The following OCA2 variants were observed in gnomAD, a reference collection of about 807,000 sequenced individuals.
The protein encoded by OCA2 is OCA2 melanosomal transmembrane protein, also known as P protein.
OCA2 carries 77 observed loss-of-function variants against 100.2 expected under a neutral mutation model. The ratio of observed to expected loss-of-function variants is 0.77; its 90% CI spans 0.64 to 0.93. The LOEUF (loss-of-function observed/expected upper bound fraction) is 0.93, where lower values mean the gene tolerates loss of function less well. Among genes scored for constraint, OCA2 ranks in the 40% least tolerant of loss-of-function variants. OCA2 has a pLI of 0.00. For synonymous variants in OCA2, 432 were observed against 439.2 expected (o/e 0.98, Z 0.21); for missense variants, 1,062 against 1,089.1 (o/e 0.98, Z 0.35).
At chr15:28,062,350 G>A (rs1308694524) in intron 2 of OCA2, among the ~76,000 whole-genome samples, 1 of 152,124 alleles carries the variant, frequency 6.6e-6, no homozygotes, top group Non-Finnish European at 1.5e-5. Context: ...TTGCTTACAG[G>A]CCATTTGAAT....
At position 27,844,982 on chromosome 15, in the gene OCA2, C is replaced by A. The variant is rs1450049066; in HGVS notation, c.2409G>T (p.Gly803=). 6.2e-7 allele frequency: 1 copy of A among 1,613,490 alleles called. No homozygotes were observed. Among genetic ancestry groups the A allele is most frequent in the Admixed American group, 1.7e-5 (1 of 60,016 alleles). Residue 803 remains glycine (G), a synonymous_variant, in exon 23 of 24, where the codon GGG becomes GGT. Transcript: ENST00000354638. The stretch of plus-strand genomic sequence containing the variant: ...ACCTGAAAAATTCCATGAAGGAGAA[C>A]CCATATCCATGCTGTTCTGCAATCC... ...CAGIAEQHGY[G]FSFMEFFRLG... is the part of the protein sequence containing the mutation.
At chr15:27,921,227 C>A (rs1900756) in intron 19 of OCA2, among the ~76,000 whole-genome samples, 1 of 151,558 alleles carries the variant, frequency 6.6e-6, no homozygotes, top group Non-Finnish European at 1.5e-5. Context: ...TGACTCAATG[C>A]GCATATAGGG....
chr15:27,821,099 A>G (rs1452507281), intron 23 of OCA2, among the ~76,000 whole-genome samples: 1 of 152,088 alleles, frequency 6.6e-6, no homozygotes, highest in Non-Finnish European at 1.5e-5. Flanking sequence ...TATTCTGTAA[A>G]TTATTATTTT....
intron 23 of OCA2, among the ~76,000 whole-genome samples, chr15:27,820,252 G>A (rs185200437): frequency 7.9e-5 from 12 of 152,284 alleles, no homozygotes; most frequent in Admixed American, 3.3e-4. Context: ...CTCCCTACCC[G>A]TTAAGTGTTG....
rs143976804 is a variant in OCA2 at position 27,886,161 on chromosome 15, C to T, written c.2080-14239G>A. 3.6e-3 allele frequency among the ~76,000 whole-genome samples: 555 copies of T among 152,246 alleles called. 4 individuals are homozygous for T. Among genetic ancestry groups the T allele is most frequent in the African/African-American group, 0.013 (520 of 41,548 alleles). ...AGGCCACCGTGTCTGGGGTCCAGCC[C>T]CCTGAGGCAGGAAATTATATGTAAA... On this transcript the variant is annotated intron_variant, in intron 19 of 23. Transcript: ENST00000354638.
chr15:27,746,118 C>A, the OCA2 span, among the ~76,000 whole-genome samples: 1 of 152,188 alleles, frequency 6.6e-6, no homozygotes, highest in Non-Finnish European at 1.5e-5. Flanking sequence ...TCAGAATAAA[C>A]CTCTTTAAAC....
At chr15:27,993,882 T>C (rs1263639172) in intron 9 of OCA2, among the ~76,000 whole-genome samples, 1 of 152,134 alleles carries the variant, frequency 6.6e-6, no homozygotes, top group East Asian at 1.9e-4. Context: ...ATGATCCGCC[T>C]CTAGGATGTG....
rs528671089 is a variant in OCA2 at position 27,951,458 on chromosome 15, T to C, written c.1951+326A>G. Among the ~76,000 whole-genome samples the C allele has an allele frequency of 2.6e-5, 4 of 152,264 alleles. No homozygotes were observed. The South Asian group carries it at 6.2e-4, about 24-fold the overall frequency. On this transcript the variant is annotated intron_variant, in intron 18 of 23. Coordinates refer to ENST00000354638, the MANE Select transcript of OCA2 (RefSeq NM_000275.3). The stretch of plus-strand genomic sequence containing the variant: ...GTGGCTCCATCTCTTCTGGGAACCA[T>C]GTAAAGATGTGGTTATTAACTACAA...
chr15:27,788,562 T>C (rs1468838332), intron 23 of OCA2, among the ~76,000 whole-genome samples: 1 of 152,114 alleles, frequency 6.6e-6, no homozygotes, highest in Non-Finnish European at 1.5e-5. Flanking sequence ...TTCCTTCCTT[T>C]TATTTTCAGG....
chr15:27,998,155 A>C (rs1374002453), intron 9 of OCA2, among the ~76,000 whole-genome samples: 13 of 136,974 alleles, frequency 9.5e-5, no homozygotes, highest in Non-Finnish European at 2.0e-4. Context: ...CTTCATGTCT[A>C]AAATACCAAA....
intron 19 of OCA2, among the ~76,000 whole-genome samples, chr15:27,890,271 A>G (rs74726126): frequency 0.016 from 2,372 of 152,332 alleles, 56 homozygotes; most frequent in African/African-American, 0.05. Context: ...GAATTAGAGC[A>G]AGGTTAGAAA....
At chr15:27,896,957 G>C (rs908454727) in intron 19 of OCA2, among the ~76,000 whole-genome samples, 10 of 152,124 alleles carry the variant, frequency 6.6e-5, no homozygotes, top group Non-Finnish European at 1.5e-4. Flanking sequence ...CTGGGGGGCC[G>C]AGGTGGGCGG....
chr15:27,770,858 CTTCCTTCCTTCCCT>C, intron 23 of OCA2, among the ~76,000 whole-genome samples: 1 of 98,768 alleles, frequency 1.0e-5, no homozygotes, highest in African/African-American at 6.2e-5. Context: ...TCCTTCCTTT[CTTCCTTCCTTCCCT>C]CCTTCCTTTG....
At chr15:27,740,567 A>G in the OCA2 span, among the ~76,000 whole-genome samples, 1 of 152,318 alleles carries the variant, frequency 6.6e-6, no homozygotes, top group South Asian at 2.1e-4. Context: ...CAGTGCAAGT[A>G]TGTATGGGCA....
chr15:27,965,971 G>C (rs1175016827), intron 15 of OCA2, among the ~76,000 whole-genome samples: 1 of 151,914 alleles, frequency 6.6e-6, no homozygotes, highest in Admixed American at 6.6e-5. Context: ...TTGTTTGTTT[G>C]TTTGTTTGTT....
intron 14 of OCA2, among the ~76,000 whole-genome samples, chr15:27,980,222 G>A (rs2041113676): frequency 6.6e-6 from 1 of 151,902 alleles, no homozygotes; most frequent in Admixed American, 6.5e-5. Flanking sequence ...CCGCCTCATG[G>A]GTTCACGCCA....
intron 2 of OCA2, among the ~76,000 whole-genome samples, chr15:28,042,999 G>A (rs901659247): frequency 1.3e-5 from 2 of 152,088 alleles, no homozygotes; most frequent in Non-Finnish European, 2.9e-5. Flanking sequence ...ATTTTTAAGA[G>A]AATGTCTACA....
chr15:28,086,717 C>T (rs557063457), intron 1 of OCA2, among the ~76,000 whole-genome samples: 1 of 152,128 alleles, frequency 6.6e-6, no homozygotes, highest in Non-Finnish European at 1.5e-5. Context: ...GAAATAAACA[C>T]ATTTGAAACA....
rs1337827985 is a variant in OCA2 at position 27,831,303 on chromosome 15, A to AAAAAAAAAAAAAAAC, written c.2432+13655_2432+13656insGTTTTTTTTTTTTTT. On this transcript the variant is annotated intron_variant, in intron 23 of 23. Transcript: ENST00000354638. ...CCGTCTCAAAAAAAAAAAAAAAAAA[A>AAAAAAAAAAAAAAAC]AAATCGGTCTGAGTCCAGTGAGTCC... 5.3e-5 allele frequency among the ~76,000 whole-genome samples: 8 copies of AAAAAAAAAAAAAAAC among 150,956 alleles called. 1 individual carries two copies. The highest frequency in any genetic ancestry group is 8.9e-5 in the Non-Finnish European group (6 of 67,604).
Sources: gnomAD v4.1 joint callset for allele counts (sites outside exome capture counted in the v4.1 genomes callset) on GRCh38, gnomAD v4.1.1 for gene constraint, MANE v1.5 for transcripts, NCBI Gene and HGNC (gene_info 2026-07-23, HGNC 2026-07-21) for gene names.